Variants in RB1 observed in about 807,000 individuals in gnomAD.
The protein encoded by RB1 is retinoblastoma-associated protein.
Under a neutral mutation model 135.4 loss-of-function variants are expected in RB1, and 18 were observed. The observed-to-expected ratio is 0.13, with a 90% CI of 0.09 to 0.20. The LOEUF (loss-of-function observed/expected upper bound fraction) is 0.20. Ranked by LOEUF, RB1 falls within the 10% of genes least tolerant of loss-of-function variation. The pLI, the probability that RB1 is intolerant of heterozygous loss-of-function variation, is 1.00. For missense variants in RB1, 868 were observed against 1,110.0 expected (o/e 0.78, Z 3.10); for synonymous variants, 365 against 373.2 (o/e 0.98, Z 0.25).
chr13:48,380,891 C>T (rs1948529762), intron 16 of RB1, among the ~76,000 whole-genome samples: 1 of 152,072 alleles, frequency 6.6e-6, no homozygotes, highest in African/African-American at 2.4e-5. Context: ...ATGAAATTAG[C>T]AGAATCTTGA....
At chr13:48,368,727 C>T in intron 11 of RB1, 123 bp downstream of exon 11, 1 of 1,377,594 alleles carries the variant, frequency 7.3e-7, no homozygotes, top group African/African-American at 1.5e-5. Flanking sequence ...TATTGAAGGC[C>T]AGGTGTGGTG....
At chr13:48,415,207 A>G (rs1313292295) in intron 17 of RB1, among the ~76,000 whole-genome samples, 1 of 152,064 alleles carries the variant, frequency 6.6e-6, no homozygotes, top group Non-Finnish European at 1.5e-5. Context: ...ATATTTTTCT[A>G]CATATTGTCA....
At chr13:48,315,774 A>C (rs773127783) in intron 2 of RB1, among the ~76,000 whole-genome samples, 1 of 152,086 alleles carries the variant, frequency 6.6e-6, no homozygotes, top group Non-Finnish European at 1.5e-5. Context: ...AGTTGATTCC[A>C]TACTTTTGCA....
chr13:48,322,273 A>G (rs1372501957), intron 2 of RB1, among the ~76,000 whole-genome samples: 1 of 152,308 alleles, frequency 6.6e-6, no homozygotes, highest in East Asian at 1.9e-4. Context: ...CATTGTTTAT[A>G]TATACTACAT....
chr13:48,453,723 T>G (rs1283688534), intron 18 of RB1, among the ~76,000 whole-genome samples: 1 of 152,080 alleles, frequency 6.6e-6, no homozygotes, highest in Non-Finnish European at 1.5e-5. Context: ...AATATTTAAA[T>G]GGGAAAGTCA....
In RB1 at chr13:48,471,572, A is replaced by AT. The variant is rs1179171728; in HGVS notation, c.2490-1787dup. Among the ~76,000 whole-genome samples, 232 of 81,282 alleles carry AT rather than the reference A, an allele frequency of 2.9e-3. 4 individuals carry two copies. The South Asian group carries it at 0.082, about 29-fold the overall frequency. 53.3% of individuals were successfully genotyped at this position (81,282 alleles called of 152,430 possible). On this transcript the variant is annotated intron_variant, in intron 23 of 26. Transcript: ENST00000267163. ...ACTTAGAGTATAATAAAAAATATAA[A>AT]TAAAAAAAAAAAAAAGAAAATCTAT...
chr13:48,318,622 C>A, intron 2 of RB1: 1 of 609,012 alleles, frequency 1.6e-6, no homozygotes, highest in South Asian at 1.8e-5. Context: ...TGGCTGTGGT[C>A]GGCATCCTGG....
intron 2 of RB1, among the ~76,000 whole-genome samples, chr13:48,311,315 A>T (rs1952128815): frequency 6.6e-6 from 1 of 152,246 alleles, no homozygotes; most frequent in Non-Finnish European, 1.5e-5. Context: ...TATGGTGGTT[A>T]TATTTTAAAT....
intron 6 of RB1, among the ~76,000 whole-genome samples, chr13:48,355,077 C>A (rs187683526): frequency 6.6e-6 from 1 of 151,966 alleles, no homozygotes; most frequent in Non-Finnish European, 1.5e-5. Context: ...GAGATCATAT[C>A]AAGTTAAAAA....
chr13:48,392,926 A>G (rs1256339155), intron 17 of RB1, among the ~76,000 whole-genome samples: 1 of 152,192 alleles, frequency 6.6e-6, no homozygotes, highest in Non-Finnish European at 1.5e-5. Context: ...TTATCTGGAA[A>G]TAATTTGACT....
In RB1 at chr13:48,368,698, C is replaced by T. The variant is rs557179000; in HGVS notation, c.1127+94C>T. ...GTTCACGTTTCTTTATGTATTCATA[C>T]ATACATGTAAGAAATATATATTGAA... On this transcript the variant is annotated intron_variant, in intron 11 of 26. Transcript: ENST00000267163. 97 of 1,497,684 alleles carry T rather than the reference C, an allele frequency of 6.5e-5. 1 individual carries two copies. The Admixed American group carries it at 1.6e-3, about 25-fold the overall frequency. 92.8% of individuals were successfully genotyped at this position (1,497,684 alleles called of 1,614,324 possible).
intron 17 of RB1, among the ~76,000 whole-genome samples, chr13:48,438,296 C>A (rs1949203913): frequency 6.6e-6 from 1 of 152,104 alleles, no homozygotes; most frequent in African/African-American, 2.4e-5. Flanking sequence ...TTTTTCTTAT[C>A]TTATAGATTA....
Position 48,437,216 on chromosome 13 carries a change from A to C in RB1, c.1696-15777A>C, listed in dbSNP as rs4151559. Among the ~76,000 whole-genome samples, 496 of 152,352 alleles carry C rather than the reference A, an allele frequency of 3.3e-3. 7 individuals are homozygous for C. The highest frequency in any genetic ancestry group is 0.012 in the African/African-American group (481 of 41,582). On this transcript the variant is annotated intron_variant, in intron 17 of 26. Transcript: ENST00000267163. The stretch of plus-strand genomic sequence containing the variant: ...CAAAACAGAGTGAAGCGTTGTTCAG[A>C]GAGCAATTAGGCTGACAGTTAATTT...
intron 23 of RB1, among the ~76,000 whole-genome samples, chr13:48,472,983 A>C (rs1296548525): frequency 6.6e-6 from 1 of 152,222 alleles, no homozygotes; most frequent in Non-Finnish European, 1.5e-5. Context: ...TTAATATTCT[A>C]AGTTTTTTCC....
chr13:48,318,432 C>T, intron 2 of RB1: 1 of 1,475,048 alleles, frequency 6.8e-7, no homozygotes, highest in East Asian at 2.3e-5. Flanking sequence ...GTCCAGGGAG[C>T]TGCTCTTGTC....
At chr13:48,358,703 C>T (rs757781359) in intron 6 of RB1, among the ~76,000 whole-genome samples, 18 of 152,110 alleles carry the variant, frequency 1.2e-4, no homozygotes, top group Non-Finnish European at 1.9e-4. Context: ...TTACTCTTCT[C>T]TTATCAGCAG....
chr13:48,332,107 T>A (rs2804095), intron 2 of RB1, among the ~76,000 whole-genome samples: 118,946 of 152,206 alleles, frequency 0.78, 52,194 homozygotes, highest in Non-Finnish European at 0.97. Context: ...CCGAAGGACA[T>A]TATGTTGTAT....
intron 2 of RB1, among the ~76,000 whole-genome samples, chr13:48,321,769 T>G (rs1288459561): frequency 1.3e-5 from 2 of 152,090 alleles, no homozygotes; most frequent in Non-Finnish European, 1.5e-5. Flanking sequence ...GGCAGGAGAA[T>G]GACATGAACC....
chr13:48,462,278 C>T (rs1949410887), intron 20 of RB1, among the ~76,000 whole-genome samples: 1 of 152,032 alleles, frequency 6.6e-6, no homozygotes, highest in Non-Finnish European at 1.5e-5. Context: ...CACACACCAC[C>T]ACGCCGAGCT....
Sources: gnomAD v4.1 joint callset for allele counts (sites outside exome capture counted in the v4.1 genomes callset) on GRCh38, gnomAD v4.1.1 for gene constraint, MANE v1.5 for transcripts, NCBI Gene and HGNC (gene_info 2026-07-23, HGNC 2026-07-21) for gene names.